The following CCNT1 variants were observed in gnomAD, a reference collection of about 807,000 sequenced individuals.
The protein encoded by CCNT1 is cyclin-T1.
CCNT1 carries 18 observed loss-of-function variants against 67.3 expected under a neutral mutation model. The ratio of observed to expected loss-of-function variants is 0.27; its 90% CI spans 0.18 to 0.40. CCNT1 has a LOEUF of 0.40. CCNT1 is among the 10% of genes least tolerant of loss of function. The pLI is 1.00. For missense variants in CCNT1, 744 were observed against 884.9 expected, an observed-to-expected ratio of 0.84 and a Z score of 2.02; for synonymous variants, 333 against 310.3, an observed-to-expected ratio of 1.07 and a Z score of -0.77.
In CCNT1 at chr12:48,691,151, T is replaced by C. The variant is rs1204288176; in HGVS notation, c.*1882A>G. ...TTATACCCAGCAATGGCAGGAACTC[T>C]AGACAGTTCAAATATGCAAGATGCA... On this transcript the variant is annotated 3_prime_UTR_variant, in exon 9 of 9. Coordinates refer to ENST00000261900, the MANE Select transcript of CCNT1 (RefSeq NM_001240.4). 1 of 152,226 alleles carries C rather than the reference T, an allele frequency of 6.6e-6. No individual in the cohort carries two copies. The highest frequency in any genetic ancestry group is 1.9e-4 in the East Asian group (1 of 5,198). 9.4% of individuals were successfully genotyped at this position (152,226 alleles called of 1,614,324 possible).
In CCNT1 at chr12:48,693,046, G is replaced by A; in HGVS notation, c.2168C>T (p.Pro723Leu). 6.3e-7 allele frequency: 1 copy of A among 1,591,746 alleles called. No homozygotes were observed. Among genetic ancestry groups the A allele is most frequent in the Non-Finnish European group, 8.6e-7 (1 of 1,162,244 alleles). The part of the protein sequence containing the change: ...LPSEPPPPLP[P>L]LPK ...CTTTTTCTTTTTTTACTTAGGAAGG[G>A]GTGGAAGTGGTGGAGGAGGTTCTGA... Residue 723 changes from proline (P) to leucine (L), a missense_variant, in exon 9 of 9, where the codon CCC becomes CTC. Physicochemically the swap from Pro to Leu is moderately conservative, Grantham distance 98. Coordinates refer to ENST00000261900, the MANE Select transcript of CCNT1 (RefSeq NM_001240.4).
rs771638484 is a variant in CCNT1, at chr12:48,693,799, G to A, written c.1415C>T (p.Ala472Val). Residue 472 changes from alanine (A) to valine (V), a missense_variant, in exon 9 of 9, where the codon GCT becomes GTT. By Grantham distance (64) the Ala-to-Val change is moderately conservative. Coordinates refer to ENST00000261900, the MANE Select transcript of CCNT1 (RefSeq NM_001240.4). ...TATCTCCTCTGGTTTTGAAGACGCAGCTTTATCTCCACCTGCCACTGGGAT... is the reference window on the plus strand; with the variant it reads ...TATCTCCTCTGGTTTTGAAGACGCAACTTTATCTCCACCTGCCACTGGGAT... ...MRIPVAGGDKAASSKPEEIKM... is the reference protein window; with the variant it reads ...MRIPVAGGDKVASSKPEEIKM... 6.2e-7 allele frequency: 1 copy of A among 1,614,012 alleles called. No homozygotes were observed. Among genetic ancestry groups the A allele is most frequent in the Non-Finnish European group, 8.5e-7 (1 of 1,179,960 alleles).
intron 3 of CCNT1, among the ~76,000 whole-genome samples, chr12:48,704,609 G>A (rs1211135126): frequency 6.6e-6 from 1 of 152,188 alleles, no homozygotes; most frequent in East Asian, 1.9e-4. Flanking sequence ...AAGAGATCGA[G>A]ACCATTCTGG....
intron 2 of CCNT1, among the ~76,000 whole-genome samples, chr12:48,713,900 G>T (rs1940494775): frequency 6.6e-6 from 1 of 151,726 alleles, no homozygotes; most frequent in African/African-American, 2.4e-5. Flanking sequence ...TCTGTTTTTT[G>T]GGGTTTTTTT....
At position 48,693,246 on chromosome 12, in the gene CCNT1, G is replaced by A. The variant is rs1189982930; in HGVS notation, c.1968C>T (p.Asp656=). The A allele has an allele frequency of 6.2e-7, 1 of 1,614,088 alleles. No individual in the cohort carries two copies. The highest frequency in any genetic ancestry group is 1.7e-5 in the Admixed American group (1 of 60,008). The change falls in exon 9 of 9, where the codon GAC becomes GAT. Residue 656 remains aspartate (D), a synonymous_variant. Transcript: ENST00000261900. ...GAAGCATATTCACAGTGTCTTGATA[G>A]TCTATTGTCTGGGTCGTGTTGTGAC... ...ANGHNTTQTI[D]YQDTVNMLHS...
rs984735294 is a variant in CCNT1 at position 48,705,897 on chromosome 12, CTGAA to C, written c.244-5_244-2del. On this transcript the variant is annotated splice_acceptor_variant and splice_polypyrimidine_tract_variant and intron_variant, in intron 2 of 8. Coordinates refer to ENST00000261900, the MANE Select transcript of CCNT1 (RefSeq NM_001240.4). LOFTEE classifies it high-confidence loss of function. ...GAAACAAGGCTGCTGGAGCCACAGA[CTGAA>C]TGGAGAGAAAATAAATCATATTTAT... 1 of 1,607,702 alleles carries C rather than the reference CTGAA, an allele frequency of 6.2e-7. No homozygotes were observed.
chr12:48,707,115 T>C (rs1379170239), intron 2 of CCNT1, among the ~76,000 whole-genome samples: 1 of 152,140 alleles, frequency 6.6e-6, no homozygotes, highest in Non-Finnish European at 1.5e-5. Flanking sequence ...CAGATGAATA[T>C]GAAGCATACT....
intron 2 of CCNT1, among the ~76,000 whole-genome samples, chr12:48,706,389 G>A (rs372121055): frequency 3.9e-5 from 6 of 152,144 alleles, no homozygotes; most frequent in East Asian, 1.9e-4. Flanking sequence ...ACAATTTTGC[G>A]CATATACTAA....
At chr12:48,715,906 A>G (rs997732462) in intron 1 of CCNT1, among the ~76,000 whole-genome samples, 1 of 152,212 alleles carries the variant, frequency 6.6e-6, no homozygotes, top group Non-Finnish European at 1.5e-5. Flanking sequence ...ATTCTATAAA[A>G]CAGTAGCTAC....
At chr12:48,695,588 A>G (rs560990662) in intron 8 of CCNT1, among the ~76,000 whole-genome samples, 171 bp downstream of exon 8, 2 of 152,366 alleles carry the variant, frequency 1.3e-5, no homozygotes, top group South Asian at 4.1e-4. Context: ...TATCCCATAG[A>G]GACACTGACT....
At chr12:48,707,292 T>C (rs530555776) in intron 2 of CCNT1, among the ~76,000 whole-genome samples, 100 of 150,384 alleles carry the variant, frequency 6.6e-4, no homozygotes, top group African/African-American at 2.2e-3. Flanking sequence ...TTCTTTCTTT[T>C]TTTTTTTTTT....
intron 2 of CCNT1, among the ~76,000 whole-genome samples, chr12:48,713,563 C>A (rs1940488998): frequency 1.3e-5 from 2 of 152,146 alleles, no homozygotes; most frequent in South Asian, 2.1e-4. Flanking sequence ...GCGGAAGGAT[C>A]CCTTGAACCC....
chr12:48,716,465 G>A (rs1110432), intron 1 of CCNT1, 50 bp downstream of exon 1: 870,962 of 1,519,488 alleles, frequency 0.57, 254,358 homozygotes, highest in East Asian at 0.77. Flanking sequence ...CCGGACGCCA[G>A]AGCATGGCGG....
chr12:48,701,560 A>G (rs1940269847), intron 3 of CCNT1, among the ~76,000 whole-genome samples: 1 of 151,966 alleles, frequency 6.6e-6, no homozygotes, highest in Non-Finnish European at 1.5e-5. Flanking sequence ...TTTATGGTTC[A>G]TGTGATTTAG....
intron 3 of CCNT1, among the ~76,000 whole-genome samples, chr12:48,704,626 T>C (rs1230711655): frequency 6.6e-6 from 1 of 152,164 alleles, no homozygotes; most frequent in Non-Finnish European, 1.5e-5. Context: ...CTGGCTAACA[T>C]GGTGAAACCC....
chr12:48,700,779 G>C (rs545212048), intron 4 of CCNT1, among the ~76,000 whole-genome samples: 1 of 152,102 alleles, frequency 6.6e-6, no homozygotes, highest in South Asian at 2.1e-4. Context: ...AATAACCCTA[G>C]AATGAAAAAA....
chr12:48,713,373 TA>T (rs1310048503), intron 2 of CCNT1, among the ~76,000 whole-genome samples: 2 of 152,284 alleles, frequency 1.3e-5, no homozygotes, highest in South Asian at 2.1e-4. Context: ...TTTTCCCAGT[TA>T]TTATTACATA....
At chr12:48,713,179 T>A (rs1466304456) in intron 2 of CCNT1, among the ~76,000 whole-genome samples, 1 of 149,830 alleles carries the variant, frequency 6.7e-6, no homozygotes, top group Admixed American at 6.8e-5. Flanking sequence ...TTCTTCCTGT[T>A]CTTTGTAAAA....
At chr12:48,710,098 G>C (rs1278818236) in intron 2 of CCNT1, among the ~76,000 whole-genome samples, 4 of 151,984 alleles carry the variant, frequency 2.6e-5, no homozygotes. Context: ...CACCATGTTG[G>C]CCAGGATGTT....
Sources: allele counts gnomAD v4.1 joint callset (sites outside exome capture counted in the v4.1 genomes callset), GRCh38; gene constraint gnomAD v4.1.1; transcripts MANE v1.5; gene names NCBI Gene and HGNC (gene_info 2026-07-23, HGNC 2026-07-21).